PREX1: variants seen among roughly 807,000 people sequenced by gnomAD.
PREX1 encodes the protein phosphatidylinositol 3,4,5-trisphosphate-dependent Rac exchanger 1 protein.
A neutral mutation model predicts 198.3 loss-of-function variants in PREX1; 41 were observed. The ratio of observed to expected loss-of-function variants is 0.21; its 90% CI spans 0.16 to 0.27. The LOEUF (loss-of-function observed/expected upper bound fraction) is 0.27, where lower values mean the gene tolerates loss of function less well. PREX1 is among the 10% of genes least tolerant of loss of function. The pLI, the probability that PREX1 is intolerant of heterozygous loss-of-function variation, is 1.00. For synonymous variants in PREX1, 843 were observed against 887.2 expected (o/e 0.95, Z 0.89); for missense variants, 1,620 against 2,200.7 (o/e 0.74, Z 5.28).
intron 1 of PREX1, among the ~76,000 whole-genome samples, chr20:48,814,617 C>A (rs1430705639): frequency 1.3e-5 from 2 of 152,164 alleles, no homozygotes; most frequent in Admixed American, 1.3e-4. Flanking sequence ...GAGGTCTGCA[C>A]AGTGAGCTAA....
chr20:48,765,991 T>C (rs1038914888), intron 1 of PREX1, among the ~76,000 whole-genome samples: 2 of 152,120 alleles, frequency 1.3e-5, no homozygotes, highest in African/African-American at 4.8e-5. Context: ...AAACCACCCA[T>C]GCCGGGGATC....
At chr20:48,812,681 G>A (rs2090441809) in intron 1 of PREX1, among the ~76,000 whole-genome samples, 1 of 152,088 alleles carries the variant, frequency 6.6e-6, no homozygotes, top group African/African-American at 2.4e-5. Context: ...TAAGAAGAGG[G>A]CACTATTTTA....
At chr20:48,778,070 G>A (rs1386100274) in intron 1 of PREX1, among the ~76,000 whole-genome samples, 1 of 152,112 alleles carries the variant, frequency 6.6e-6, no homozygotes, top group East Asian at 1.9e-4. Context: ...AGCTGTGACT[G>A]TGTTCCAATC....
Position 48,627,978 on chromosome 20 carries a change from G to A in PREX1, c.4767-15C>T. On this transcript the variant is annotated splice_polypyrimidine_tract_variant and intron_variant, in intron 37 of 39. Coordinates refer to ENST00000371941, the MANE Select transcript of PREX1 (RefSeq NM_020820.4). Reference sequence around the variant, plus strand: ...TCAGGGTGCTCCTGCAGCAGGGGAGGGAGGACAGCGGGTTGGCGGTGGGGG... The same window carrying A: ...TCAGGGTGCTCCTGCAGCAGGGGAGAGAGGACAGCGGGTTGGCGGTGGGGG... 1.3e-6 allele frequency: 2 copies of A among 1,593,190 alleles called. No homozygotes were observed. Among genetic ancestry groups the A allele is most frequent in the Non-Finnish European group, 1.7e-6 (2 of 1,169,070 alleles).
At chr20:48,884,276 T>G in the PREX1 span, among the ~76,000 whole-genome samples, 10 of 152,190 alleles carry the variant, frequency 6.6e-5, no homozygotes, top group African/African-American at 2.4e-4. Flanking sequence ...AATTCCTGAT[T>G]TTAAAACTTA....
At chr20:48,751,376 G>T (rs1482527828) in intron 1 of PREX1, among the ~76,000 whole-genome samples, 1 of 152,190 alleles carries the variant, frequency 6.6e-6, no homozygotes, top group Admixed American at 6.5e-5. Context: ...CCTAGATTGG[G>T]GCTTCCTGTC....
chr20:48,787,882 A>ATT (rs1374526038), intron 1 of PREX1, among the ~76,000 whole-genome samples: 2 of 152,230 alleles, frequency 1.3e-5, no homozygotes, highest in Non-Finnish European at 2.9e-5. Flanking sequence ...GAGGAGGGAA[A>ATT]TATGGCTGTG....
Position 48,652,587 on chromosome 20 carries a change from T to C in PREX1, c.2466A>G (p.Ser822=). The C allele has an allele frequency of 1.2e-6, 2 of 1,608,964 alleles. No homozygotes were observed. Among genetic ancestry groups the C allele is most frequent in the Non-Finnish European group, 1.7e-6 (2 of 1,177,008 alleles). ...GTCATGCCATGCCCCGTCTATTACCTGAATCAGCCTGGTCTTCCTCCTGGG... is the reference window on the plus strand; with the variant it reads ...GTCATGCCATGCCCCGTCTATTACCCGAATCAGCCTGGTCTTCCTCCTGGG... The part of the protein sequence containing the change: ...EQAQEEDQAD[S]AFPLLSLGPR... Residue 822 remains serine, a splice_region_variant and synonymous_variant, in exon 21 of 40, where the codon TCA becomes TCG. Transcript: ENST00000371941.
chr20:48,870,649 C>T, the PREX1 span, among the ~76,000 whole-genome samples: 3 of 152,106 alleles, frequency 2.0e-5, no homozygotes, highest in Non-Finnish European at 2.9e-5. Context: ...AACAACCAAC[C>T]GTAAAAATCA....
At chr20:48,641,441 A>G (rs112249415) in intron 29 of PREX1, among the ~76,000 whole-genome samples, 1 of 152,236 alleles carries the variant, frequency 6.6e-6, no homozygotes, top group Non-Finnish European at 1.5e-5. Flanking sequence ...TAAGAGTGAT[A>G]CTTTTTAAAA....
At chr20:48,854,414 G>C in the PREX1 span, among the ~76,000 whole-genome samples, 602 of 152,138 alleles carry the variant, frequency 4.0e-3, 3 homozygotes, top group African/African-American at 0.011. Context: ...AAAATAACTA[G>C]CCAGGCACCT....
chr20:48,660,253 A>C (rs1376208414), intron 15 of PREX1, among the ~76,000 whole-genome samples, 192 bp from the exon 16 acceptor site: 1 of 152,230 alleles, frequency 6.6e-6, no homozygotes, highest in Non-Finnish European at 1.5e-5. Context: ...TGGCTTTCTG[A>C]CTTCTCTTGA....
intron 1 of PREX1, among the ~76,000 whole-genome samples, chr20:48,823,329 G>T (rs2090495589): frequency 6.6e-6 from 1 of 152,040 alleles, no homozygotes; most frequent in Non-Finnish European, 1.5e-5. Context: ...GGAGTTACTG[G>T]CACCTGCCCC....
Position 48,658,221 on chromosome 20 carries a change from G to T in PREX1, c.1889C>A (p.Pro630His), listed in dbSNP as rs1382839689. 6.2e-7 allele frequency: 1 copy of T among 1,613,968 alleles called. No individual in the cohort carries two copies. The highest frequency in any genetic ancestry group is 8.5e-7 in the Non-Finnish European group (1 of 1,179,992). Residue 630 changes from proline (P) to histidine (H), a missense_variant, in exon 17 of 40, where the codon CCC becomes CAC. Physicochemically the swap from Pro to His is moderately conservative, Grantham distance 77. This residue lies in a region of PREX1 where 488 missense variants were observed against 802.5 expected (regional missense o/e 0.61). Coordinates refer to ENST00000371941, the MANE Select transcript of PREX1 (RefSeq NM_020820.4). ...GTCAAAGCCATAGTCCTCCTCCTGG[G>T]GCAGGATCTGGGGGCCCAGGGCAGA... Reference protein sequence around the residue: ...NILAKRLLILPQEEDYGFDIE... With the variant: ...NILAKRLLILHQEEDYGFDIE...
At position 48,710,743 on chromosome 20, in the gene PREX1, G is replaced by A. The variant is rs1477346921; in HGVS notation, c.622-2322C>T. ...TGGTCTGAGAAGGTCTCTCTGGAAA[G>A]ACAGGCTTGCGAGCGAAGCTTGAAT... is the stretch of plus-strand genomic sequence containing the variant. On this transcript the variant is annotated intron_variant, in intron 5 of 39. Coordinates refer to ENST00000371941, the MANE Select transcript of PREX1 (RefSeq NM_020820.4). Among the ~76,000 whole-genome samples, 8 of 152,262 alleles carry A rather than the reference G, an allele frequency of 5.3e-5. No individual in the cohort carries two copies. The South Asian group carries it at 1.7e-3, about 32-fold the overall frequency.
chr20:48,737,215 CAAAAAA>C (rs140010281), intron 3 of PREX1, among the ~76,000 whole-genome samples: 9 of 35,264 alleles, frequency 2.6e-4, no homozygotes, highest in Admixed American at 3.5e-4. Flanking sequence ...GTTTTGACAG[CAAAAAA>C]AAAAAAAAAA....
intron 1 of PREX1, among the ~76,000 whole-genome samples, chr20:48,786,975 C>T (rs1196647052): frequency 6.6e-6 from 1 of 151,590 alleles, no homozygotes; most frequent in Non-Finnish European, 1.5e-5. Flanking sequence ...CTCCCAGCCC[C>T]CCCTCCCCAC....
chr20:48,847,364 T>TAAAAAAAAAAAAAAAAA, the PREX1 span, among the ~76,000 whole-genome samples: 426 of 77,026 alleles, frequency 5.5e-3, 6 homozygotes, highest in Middle Eastern at 0.021. Context: ...CCTTCTCTTA[T>TAAAAAAAAAAAAAAAAA]AAAAAAAAAA....
At chr20:48,752,254 A>G (rs1040739018) in intron 1 of PREX1, among the ~76,000 whole-genome samples, 1 of 152,220 alleles carries the variant, frequency 6.6e-6, no homozygotes, top group African/African-American at 2.4e-5. Context: ...ATTCCCACGC[A>G]TGCCTCTGCC....
Sources: gnomAD v4.1 joint callset for allele counts (sites outside exome capture counted in the v4.1 genomes callset) on GRCh38, gnomAD v4.1.1 for gene constraint, gnomAD v4.1.1 regional missense constraint, MANE v1.5 for transcripts, NCBI Gene and HGNC (gene_info 2026-07-23, HGNC 2026-07-21) for gene names.